ITGA2: variants seen among roughly 807,000 people sequenced by gnomAD.
ITGA2 encodes the protein integrin subunit alpha 2, also known as integrin alpha-2.
Under a neutral mutation model 146.3 loss-of-function variants are expected in ITGA2, and 101 were observed. The observed-to-expected ratio is 0.69, with a 90% confidence interval of 0.59 to 0.81. The LOEUF (loss-of-function observed/expected upper bound fraction) is 0.81. ITGA2 is among the 40% of genes least tolerant of loss of function. The pLI, the probability that ITGA2 is intolerant of heterozygous loss-of-function variation, is 0.00. For synonymous variants in ITGA2, 477 were observed against 487.1 expected, an observed-to-expected ratio of 0.98 and a Z score of 0.27; for missense variants, 1,281 against 1,402.7, an observed-to-expected ratio of 0.91 and a Z score of 1.39.
chr5:53,062,983 A>G (rs981573703), intron 13 of ITGA2, 54 bp downstream of exon 13: 14 of 1,456,152 alleles, frequency 9.6e-6, no homozygotes, highest in Admixed American at 3.5e-5. Context: ...CTGGTAATTT[A>G]ACTTGCATTT....
At chr5:53,013,172 C>A (rs1742226741) in intron 1 of ITGA2, among the ~76,000 whole-genome samples, 2 of 151,954 alleles carry the variant, frequency 1.3e-5, no homozygotes, top group Admixed American at 1.3e-4. Context: ...AAATCCTTGC[C>A]AGAGCCAATG....
intron 1 of ITGA2, among the ~76,000 whole-genome samples, chr5:53,018,656 A>G (rs1345786641): frequency 6.6e-6 from 1 of 152,180 alleles, no homozygotes; most frequent in Non-Finnish European, 1.5e-5. Context: ...CCGTCTTGGT[A>G]TAGTTTTTGA....
chr5:52,998,297 C>CA (rs1468213193), intron 1 of ITGA2, among the ~76,000 whole-genome samples: 1 of 151,778 alleles, frequency 6.6e-6, no homozygotes, highest in Non-Finnish European at 1.5e-5. Context: ...ACTAAAAATA[C>CA]AAAAAAATTA....
chr5:53,055,380 G>A (rs1423288069), intron 7 of ITGA2, among the ~76,000 whole-genome samples, 158 bp from the exon 8 acceptor site: 9 of 151,962 alleles, frequency 5.9e-5, no homozygotes, highest in Non-Finnish European at 1.2e-4. Context: ...TTCTCTACAA[G>A]CTACAAATGG....
chr5:53,042,292 C>T (rs1340394625), intron 3 of ITGA2, 71 bp downstream of exon 3: 11 of 986,230 alleles, frequency 1.1e-5, no homozygotes, highest in Non-Finnish European at 1.6e-5. Context: ...TCAGAACAAT[C>T]ATTGTTCTGT....
At chr5:52,998,811 T>A (rs1741418920) in intron 1 of ITGA2, among the ~76,000 whole-genome samples, 1 of 152,230 alleles carries the variant, frequency 6.6e-6, no homozygotes, top group Non-Finnish European at 1.5e-5. Flanking sequence ...GAGTGATGAA[T>A]CTATGAGCCA....
chr5:53,055,478 G>C (rs1744583494), intron 7 of ITGA2, 60 bp from the exon 8 acceptor site: 1 of 1,489,754 alleles, frequency 6.7e-7, no homozygotes, highest in Middle Eastern at 1.7e-4. Context: ...TTAAACCAGA[G>C]GTTCTCATAT....
In ITGA2 at chr5:53,058,098, A is replaced by C. The variant is rs1226717074; in HGVS notation, c.1170A>C (p.Gln390His). 1 of 1,607,106 alleles carries C rather than the reference A, an allele frequency of 6.2e-7. No individual in the cohort carries two copies. The highest frequency in any genetic ancestry group is 8.5e-7 in the Non-Finnish European group (1 of 1,174,392). ...QVGFSADYSS[Q>H]NDILMLGAVG... ...GATTCAGTGCAGATTACTCTTCTCA[A>C]AATGTGCGTATATCAGATAGCTTCA... Residue 390 changes from glutamine (Q) to histidine (H), a missense_variant, in exon 10 of 30, where the codon CAA becomes CAC. Around this residue, in one of 3 missense-constraint regions of ITGA2, gnomAD observed 795 missense variants for 841.7 expected, o/e 0.94. Transcript: ENST00000296585.
At chr5:53,086,292 A>G (rs901715715) in intron 27 of ITGA2, among the ~76,000 whole-genome samples, 1 of 152,212 alleles carries the variant, frequency 6.6e-6, no homozygotes. Flanking sequence ...ACATCAGCAT[A>G]AAATATCCTT....
chr5:53,073,961 A>G (rs1745527188), intron 20 of ITGA2, among the ~76,000 whole-genome samples: 1 of 151,154 alleles, frequency 6.6e-6, no homozygotes, highest in African/African-American at 2.4e-5. Flanking sequence ...AAAAAAAAAA[A>G]AAAAACCCTC....
In ITGA2 at chr5:53,059,769, A is replaced by G. The variant is rs538354844; in HGVS notation, c.1174-105A>G. 2.0e-4 allele frequency: 207 copies of G among 1,056,880 alleles called. 1 individual carries two copies. In the African/African-American group the frequency reaches 2.7e-3, roughly 14 times the overall value. The allele number at this position is 1,056,880 out of a possible 1,614,324, so 65.5% of individuals were successfully genotyped here. On this transcript the variant is annotated intron_variant, in intron 10 of 29. Coordinates refer to ENST00000296585, the MANE Select transcript of ITGA2 (RefSeq NM_002203.4). The stretch of plus-strand genomic sequence containing the variant: ...AATATATGTTCATATATATTTCATC[A>G]TTTTTAATAAATCTAAACAACTTAT...
chr5:53,046,568 G>C (rs897095403), intron 4 of ITGA2, among the ~76,000 whole-genome samples: 7 of 151,774 alleles, frequency 4.6e-5, no homozygotes, highest in African/African-American at 1.7e-4. Flanking sequence ...GATATTTAGA[G>C]ATTACAGAAT....
At chr5:53,024,808 A>C (rs1212624102) in intron 1 of ITGA2, among the ~76,000 whole-genome samples, 1 of 152,226 alleles carries the variant, frequency 6.6e-6, no homozygotes, top group Admixed American at 6.5e-5. Context: ...AGTGGTCGGA[A>C]GTGAAGTCAG....
At chr5:53,084,263 C>T (rs1189961355) in intron 27 of ITGA2, among the ~76,000 whole-genome samples, 1 of 151,840 alleles carries the variant, frequency 6.6e-6, no homozygotes, top group Non-Finnish European at 1.5e-5. Context: ...AGTCTGAAAC[C>T]TCCTGGGGAT....
Position 53,029,899 on chromosome 5 carries a change from A to G in ITGA2, c.185+3031A>G, listed in dbSNP as rs564084587. Among the ~76,000 whole-genome samples the G allele has an allele frequency of 3.0e-4, 46 of 152,382 alleles. 1 individual carries two copies. The highest frequency in any genetic ancestry group is 2.6e-3 in the Admixed American group (40 of 15,310). On this transcript the variant is annotated intron_variant, in intron 2 of 29. Transcript: ENST00000296585. ...GATGTTTGAGCTGAAAGGGAGCTTC[A>G]GATGAACTCCACTGTTCTAGTTCAT...
At chr5:53,012,009 G>T (rs1742157822) in intron 1 of ITGA2, among the ~76,000 whole-genome samples, 1 of 152,038 alleles carries the variant, frequency 6.6e-6, no homozygotes, top group Non-Finnish European at 1.5e-5. Context: ...AATTGTCATG[G>T]TTATAAAAAA....
rs770074507 is a variant in ITGA2, at chr5:53,070,253, A to G, written c.2228A>G (p.Tyr743Cys). Residue 743 changes from tyrosine (Y) to cysteine (C), a missense_variant, in exon 17 of 30, where the codon TAT becomes TGT. Tyr to Cys is a radical substitution (Grantham distance 194). Around this residue, in one of 3 missense-constraint regions of ITGA2, gnomAD observed 475 missense variants for 530.5 expected, o/e 0.90. Transcript: ENST00000296585. ...QAQSCPEHII[Y>C]IQEPSDVVNS... ...CAGAGTTGCCCCGAGCACATCATTT[A>G]TATACAGGTAAGGCCTCAGGAACAT... The G allele has an allele frequency of 6.2e-7, 1 of 1,611,704 alleles. No individual in the cohort carries two copies.
Position 53,045,048 on chromosome 5 carries a change from C to T in ITGA2, c.343C>T (p.Leu115Phe), listed in dbSNP as rs1244951472. 1 of 1,613,916 alleles carries T rather than the reference C, an allele frequency of 6.2e-7. No individual in the cohort carries two copies. The highest frequency in any genetic ancestry group is 8.5e-7 in the Non-Finnish European group (1 of 1,179,870). ...TACTGAGATGAAAACCAACATGAGC[C>T]TCGGCTTGATCCTCACCAGGAACAT... is the stretch of plus-strand genomic sequence containing the variant. ...NVTEMKTNMS[L>F]GLILTRNMGT... The change falls in exon 4 of 30, where the codon CTC (leucine) becomes TTC (phenylalanine). Residue 115 changes from leucine (L) to phenylalanine (F), a missense_variant. Coordinates refer to ENST00000296585, the MANE Select transcript of ITGA2 (RefSeq NM_002203.4).
chr5:53,011,861 A>T (rs1264825691), intron 1 of ITGA2, among the ~76,000 whole-genome samples: 2 of 152,124 alleles, frequency 1.3e-5, no homozygotes, highest in Admixed American at 1.3e-4. Flanking sequence ...CAAGGCTGAG[A>T]ATATGTTCTC....
Sources: gnomAD v4.1 joint callset for allele counts (sites outside exome capture counted in the v4.1 genomes callset) on GRCh38, gnomAD v4.1.1 for gene constraint, gnomAD v4.1.1 regional missense constraint, MANE v1.5 for transcripts, NCBI Gene and HGNC (gene_info 2026-07-23, HGNC 2026-07-21) for gene names.